Variants in SFI1 observed in about 807,000 individuals in gnomAD.
SFI1 encodes the protein SFI1 centrin binding protein, also known as protein SFI1 homolog.
SFI1 carries 195 observed loss-of-function variants against 207.5 expected under a neutral mutation model. That is an observed-to-expected ratio of 0.94 (90% CI 0.84 to 1.06). SFI1 has a LOEUF of 1.06. Ranked by LOEUF, SFI1 falls within the 50% of genes least tolerant of loss-of-function variation. The pLI, the probability that SFI1 is intolerant of heterozygous loss-of-function variation, is 0.00. For synonymous variants in SFI1, 630 were observed against 598.9 expected (o/e 1.05, Z -0.76); for missense variants, 1,634 against 1,588.0 (o/e 1.03, Z -0.49).
intron 3 of SFI1, chr22:31,530,556 C>G (rs979825279): frequency 8.7e-6 from 4 of 461,676 alleles, no homozygotes; most frequent in Non-Finnish European, 1.8e-5. Flanking sequence ...GTGCTAGGTA[C>G]TGGAGGTACT....
In SFI1 at chr22:31,556,223, TTTC is replaced by T. The variant is rs1339353786; in HGVS notation, c.545-716_545-714del. Among the ~76,000 whole-genome samples the T allele has an allele frequency of 3.8e-4, 57 of 151,386 alleles. No homozygotes were observed. The East Asian group carries it at 0.01, about 28-fold the overall frequency. ...CTATACAATTGAAATTTTTTTTTCT[TTTC>T]TTTTTTTTTTTTTTGAGACGGAGTC... On this transcript the variant is annotated intron_variant, in intron 6 of 32. Transcript: ENST00000400288.
chr22:31,614,718 C>A, intron 27 of SFI1, 71 bp from the exon 28 acceptor site: 1 of 1,542,260 alleles, frequency 6.5e-7, no homozygotes, highest in Non-Finnish European at 8.9e-7. Flanking sequence ...AATTGGAGAT[C>A]CCACAGAGAT....
intron 8 of SFI1, among the ~76,000 whole-genome samples, chr22:31,569,355 C>G (rs575017631): frequency 6.6e-6 from 1 of 152,050 alleles, no homozygotes; most frequent in Non-Finnish European, 1.5e-5. Flanking sequence ...GGGGAAGTAC[C>G]CAGCCACATT....
At chr22:31,504,690 C>G (rs959314477) in intron 1 of SFI1, among the ~76,000 whole-genome samples, 6 of 152,160 alleles carry the variant, frequency 3.9e-5, no homozygotes, top group Non-Finnish European at 5.9e-5. Context: ...CATCCTCTCC[C>G]TGAAGGCTCA....
chr22:31,545,575 A>ATTTTG (rs879660896), intron 4 of SFI1, among the ~76,000 whole-genome samples: 1 of 116,888 alleles, frequency 8.6e-6, no homozygotes. Context: ...ATTTAATTTA[A>ATTTTG]TTTAATTTAA....
chr22:31,589,239 A>G (rs1201924298), intron 14 of SFI1, among the ~76,000 whole-genome samples: 2 of 150,714 alleles, frequency 1.3e-5, no homozygotes, highest in African/African-American at 4.9e-5. Context: ...TGTGTGTAGA[A>G]ATGTTTAACT....
At position 31,615,105 on chromosome 22, in the gene SFI1, G is replaced by T; in HGVS notation, c.3126G>T (p.Leu1042=). The part of the protein sequence containing the change: ...LGMAQPAAPS[L]TRPFLAEAPT... ...TGGCTCAGCCAGCAGCCCCCTCCCT[G>T]ACGCGGCCCTTCCTGGCAGAGGCCC... is the stretch of plus-strand genomic sequence containing the variant. Residue 1042 remains leucine (L), a synonymous_variant, in exon 29 of 33, where the codon CTG becomes CTT. Transcript: ENST00000400288. 6.2e-7 allele frequency: 1 copy of T among 1,606,546 alleles called. No homozygotes were observed. Among genetic ancestry groups the T allele is most frequent in the Non-Finnish European group, 8.5e-7 (1 of 1,176,678 alleles).
At chr22:31,574,746 C>A (rs1184280536) in intron 9 of SFI1, among the ~76,000 whole-genome samples, 1 of 152,040 alleles carries the variant, frequency 6.6e-6, no homozygotes, top group East Asian at 1.9e-4. Context: ...TTCCTAATGA[C>A]CTTTCAAGGT....
intron 4 of SFI1, among the ~76,000 whole-genome samples, chr22:31,531,460 G>A (rs2147395909): frequency 6.6e-6 from 1 of 152,296 alleles, no homozygotes; most frequent in African/African-American, 2.4e-5. Flanking sequence ...ACAAGCAAGT[G>A]ACCAAATGAA....
chr22:31,553,543 T>TC (rs2060825969), intron 6 of SFI1, among the ~76,000 whole-genome samples: 1 of 147,736 alleles, frequency 6.8e-6, no homozygotes, highest in South Asian at 2.2e-4. Context: ...TTTTTTTTTT[T>TC]TTTTTTTTCA....
chr22:31,580,503 T>C (rs1471165144), intron 12 of SFI1, 139 bp downstream of exon 12: 2 of 597,604 alleles, frequency 3.3e-6, no homozygotes, highest in African/African-American at 3.8e-5. Context: ...CTGTCAACTG[T>C]AAAACCTTAG....
intron 12 of SFI1, 84 bp downstream of exon 12, chr22:31,580,448 G>C: frequency 8.9e-7 from 1 of 1,125,498 alleles, no homozygotes; most frequent in East Asian, 3.0e-5. Flanking sequence ...AAATTAAGCA[G>C]AACTCTTTTT....
intron 15 of SFI1, among the ~76,000 whole-genome samples, chr22:31,592,410 A>AC (rs1461349728): frequency 6.7e-5 from 2 of 29,840 alleles, no homozygotes. Flanking sequence ...CAGGGGGCTG[A>AC]CCCCCCCACC....
intron 19 of SFI1, 141 bp from the exon 20 acceptor site, chr22:31,604,728 G>A: frequency 1.4e-6 from 1 of 696,938 alleles, no homozygotes; most frequent in Middle Eastern, 2.8e-4. Context: ...CTGGCCCTGG[G>A]ACCAGGGGCT....
At chr22:31,556,517 C>T (rs2061182276) in intron 6 of SFI1, among the ~76,000 whole-genome samples, 1 of 152,114 alleles carries the variant, frequency 6.6e-6, no homozygotes, top group South Asian at 2.1e-4. Context: ...CCACTGTGCC[C>T]AGACTGAAAG....
intron 23 of SFI1, 40 bp downstream of exon 23, chr22:31,611,343 T>G (rs757967422): frequency 6.4e-7 from 1 of 1,552,076 alleles, no homozygotes; most frequent in South Asian, 1.2e-5. Flanking sequence ...TCTGCCTGCC[T>G]GGCAAGGGGT....
rs1186858052 is a variant in SFI1 at position 31,594,031 on chromosome 22, G to GCAGAGC, written c.1544+4454_1544+4455insCAGAGC. Among the ~76,000 whole-genome samples, 545 of 134,526 alleles carry GCAGAGC rather than the reference G, an allele frequency of 4.1e-3. 6 individuals carry two copies. Among genetic ancestry groups the GCAGAGC allele is most frequent in the South Asian group, 6.1e-3 (27 of 4,406 alleles). The allele number at this position is 134,526 out of a possible 152,430, so 88.3% of individuals were successfully genotyped here. A position where few individuals can be genotyped will look rare whatever the true frequency, so the allele number is the denominator to read the frequency against. ...CAGGGAGAGGGAGAGGGAGAGGGAG[G>GCAGAGC]TGTCCATCTTTATTTCAAGGGCTTT... is the stretch of plus-strand genomic sequence containing the variant. On this transcript the variant is annotated intron_variant, in intron 15 of 32. Coordinates refer to ENST00000400288, the MANE Select transcript of SFI1 (RefSeq NM_001007467.3).
chr22:31,528,307 C>T (rs1262312793), intron 2 of SFI1, among the ~76,000 whole-genome samples: 1 of 151,832 alleles, frequency 6.6e-6, no homozygotes, highest in Admixed American at 6.6e-5. Flanking sequence ...TCCTAGTTGC[C>T]TAGTTGCTTG....
intron 2 of SFI1, among the ~76,000 whole-genome samples, 200 bp from the exon 3 acceptor site, chr22:31,528,490 C>T (rs2058150347): frequency 6.6e-6 from 1 of 152,176 alleles, no homozygotes; most frequent in Admixed American, 6.5e-5. Context: ...TAGTTCCTGC[C>T]TAGAGCTGAC....
Sources: allele counts gnomAD v4.1 joint callset (sites outside exome capture counted in the v4.1 genomes callset), GRCh38; gene constraint gnomAD v4.1.1; transcripts MANE v1.5; gene names NCBI Gene and HGNC (gene_info 2026-07-23, HGNC 2026-07-21).